The following ZBTB20 variants were observed in gnomAD, a reference collection of about 807,000 sequenced individuals.
ZBTB20 encodes the protein zinc finger and BTB domain-containing protein 20.
Under a neutral mutation model 56.9 loss-of-function variants are expected in ZBTB20, and 9 were observed. The observed-to-expected ratio is 0.16, with a 90% CI of 0.10 to 0.28. The LOEUF (loss-of-function observed/expected upper bound fraction) is 0.28. Among genes scored for constraint, ZBTB20 ranks in the 10% least tolerant of loss-of-function variants. The probability of loss-of-function intolerance (pLI) is 1.00; values close to 1 mark genes in which losing one functional copy is unlikely to be tolerated. For synonymous variants in ZBTB20, 417 were observed against 420.7 expected, an observed-to-expected ratio of 0.99 and a Z score of 0.11; for missense variants, 655 against 1,003.0, an observed-to-expected ratio of 0.65 and a Z score of 4.69.
At chr3:114,349,018 GGT>G (rs1162042600) in intron 11 of ZBTB20, among the ~76,000 whole-genome samples, 1 of 151,886 alleles carries the variant, frequency 6.6e-6, no homozygotes, top group Non-Finnish European at 1.5e-5. Flanking sequence ...TAGGCAACAT[GGT>G]AAGACCCTGT....
intron 2 of ZBTB20, among the ~76,000 whole-genome samples, chr3:115,046,456 GT>G (rs1386381174): frequency 6.6e-6 from 1 of 152,068 alleles, no homozygotes; most frequent in Non-Finnish European, 1.5e-5. Context: ...TAAAAGTCAT[GT>G]TCTCAGTGAT....
At chr3:114,743,780 C>T (rs535253742) in intron 5 of ZBTB20, 41 of 152,346 alleles carry the variant, frequency 2.7e-4, no homozygotes, top group Non-Finnish European at 5.1e-4. Context: ...GGGTTGTTGT[C>T]TAAGAATAAA....
At chr3:114,433,099 T>A (rs1439694067) in intron 7 of ZBTB20, among the ~76,000 whole-genome samples, 2 of 152,112 alleles carry the variant, frequency 1.3e-5, no homozygotes, top group African/African-American at 4.8e-5. Context: ...TAGATATAGG[T>A]CCTTTTCAAC....
chr3:114,795,174 A>T (rs1483496142), intron 5 of ZBTB20, among the ~76,000 whole-genome samples: 3 of 152,114 alleles, frequency 2.0e-5, no homozygotes, highest in Non-Finnish European at 4.4e-5. Context: ...CTATTTCAGA[A>T]GTCCAAGCTC....
chr3:114,865,711 TCTTA>T (rs2075738423), intron 4 of ZBTB20, among the ~76,000 whole-genome samples: 1 of 152,180 alleles, frequency 6.6e-6, no homozygotes, highest in Non-Finnish European at 1.5e-5. Flanking sequence ...ATTTCATAAA[TCTTA>T]CTTACCCATA....
intron 6 of ZBTB20, among the ~76,000 whole-genome samples, chr3:114,565,158 G>T (rs1393780060): frequency 6.6e-6 from 1 of 152,112 alleles, no homozygotes; most frequent in Non-Finnish European, 1.5e-5. Context: ...TGCTACAAAT[G>T]GCTTTTAAAA....
chr3:115,076,038 A>G (rs972277493), intron 1 of ZBTB20, among the ~76,000 whole-genome samples: 3 of 152,176 alleles, frequency 2.0e-5, no homozygotes, highest in Non-Finnish European at 4.4e-5. Flanking sequence ...TAGCACCAAG[A>G]AGTATAAAAT....
chr3:114,980,502 A>G (rs1001725125), intron 2 of ZBTB20, among the ~76,000 whole-genome samples: 1 of 151,964 alleles, frequency 6.6e-6, no homozygotes, highest in Admixed American at 6.6e-5. Context: ...TAAAAAATAG[A>G]AGACTTTTTT....
chr3:115,114,816 C>G (rs913739461), intron 1 of ZBTB20, among the ~76,000 whole-genome samples: 2 of 151,960 alleles, frequency 1.3e-5, no homozygotes, highest in Non-Finnish European at 1.5e-5. Context: ...AAAGACAGAT[C>G]GAATATGTTA....
At chr3:114,386,717 C>T (rs1021842363) in intron 8 of ZBTB20, among the ~76,000 whole-genome samples, 1 of 152,106 alleles carries the variant, frequency 6.6e-6, no homozygotes, top group Non-Finnish European at 1.5e-5. Context: ...TCCAGAAGGC[C>T]AGTCTTCTGG....
intron 2 of ZBTB20, among the ~76,000 whole-genome samples, chr3:114,986,471 C>T (rs2078548277): frequency 6.6e-6 from 1 of 152,068 alleles, no homozygotes; most frequent in Non-Finnish European, 1.5e-5. Context: ...ATAATAAACT[C>T]ATTTTTTTCA....
At chr3:114,408,151 C>T (rs948649846) in intron 7 of ZBTB20, among the ~76,000 whole-genome samples, 4 of 152,142 alleles carry the variant, frequency 2.6e-5, no homozygotes, top group East Asian at 1.9e-4. Context: ...TCTAGAGTTA[C>T]GTTTTTACCC....
At chr3:114,482,369 T>C (rs552816401) in intron 7 of ZBTB20, among the ~76,000 whole-genome samples, 1 of 152,258 alleles carries the variant, frequency 6.6e-6, no homozygotes, top group South Asian at 2.1e-4. Context: ...CTCACTTTCA[T>C]ATTGCATTTG....
At chr3:115,121,159 G>A (rs2108646348) in intron 1 of ZBTB20, among the ~76,000 whole-genome samples, 1 of 152,096 alleles carries the variant, frequency 6.6e-6, no homozygotes, top group East Asian at 1.9e-4. Flanking sequence ...AAAATTTCCT[G>A]AGTTCAAATC....
At chr3:114,625,588 G>A (rs2058612625) in intron 6 of ZBTB20, among the ~76,000 whole-genome samples, 1 of 152,076 alleles carries the variant, frequency 6.6e-6, no homozygotes, top group African/African-American at 2.4e-5. Flanking sequence ...TTAAAGAGGA[G>A]TACTCTTTAA....
At chr3:114,380,724 T>TC (rs2108529219) in intron 9 of ZBTB20, 53 bp downstream of exon 9, 1 of 1,466,360 alleles carries the variant, frequency 6.8e-7, no homozygotes, top group South Asian at 1.5e-5. Context: ...GCATCCCTCT[T>TC]CCCCCCTTAG....
At chr3:114,814,488 C>G (rs1053353398) in intron 4 of ZBTB20, among the ~76,000 whole-genome samples, 3 of 152,094 alleles carry the variant, frequency 2.0e-5, no homozygotes, top group African/African-American at 7.2e-5. Context: ...CCTCTATAAA[C>G]TCATCTATGT....
chr3:114,406,142 T>C (rs1576618815), intron 7 of ZBTB20, among the ~76,000 whole-genome samples: 1 of 152,154 alleles, frequency 6.6e-6, no homozygotes, highest in Non-Finnish European at 1.5e-5. Context: ...TTAGCTGTCA[T>C]TGTAGCACAG....
At chr3:114,424,363 G>A (rs1272117868) in intron 7 of ZBTB20, among the ~76,000 whole-genome samples, 2 of 152,122 alleles carry the variant, frequency 1.3e-5, no homozygotes, top group African/African-American at 4.8e-5. Context: ...CACAAAGGGA[G>A]GCCATATAGA....
Sources: gnomAD v4.1 joint callset for allele counts (sites outside exome capture counted in the v4.1 genomes callset) on GRCh38, gnomAD v4.1.1 for gene constraint, MANE v1.5 for transcripts, NCBI Gene and HGNC (gene_info 2026-07-23, HGNC 2026-07-21) for gene names.